Variants in MYO16 observed in about 807,000 individuals in gnomAD.
The protein encoded by MYO16 is unconventional myosin-XVI.
In MYO16, 94 loss-of-function variants were observed where a neutral mutation model predicts 205.3. The ratio of observed to expected loss-of-function variants is 0.46; its 90% CI spans 0.39 to 0.54. The LOEUF (loss-of-function observed/expected upper bound fraction) is 0.54. MYO16 is among the 20% of genes least tolerant of loss of function. The pLI is 0.00. For missense variants in MYO16, 2,315 were observed against 2,387.5 expected (o/e 0.97, Z 0.63); for synonymous variants, 988 against 954.0 (o/e 1.04, Z -0.66).
At chr13:109,202,478 T>C (rs980475145) in intron 34 of MYO16, among the ~76,000 whole-genome samples, 4 of 152,218 alleles carry the variant, frequency 2.6e-5, no homozygotes, top group Admixed American at 6.5e-5. Flanking sequence ...TTTTTTCATA[T>C]GTTTGTTGGG....
At chr13:109,130,532 T>C (rs1876484196) in intron 31 of MYO16, among the ~76,000 whole-genome samples, 1 of 152,268 alleles carries the variant, frequency 6.6e-6, no homozygotes, top group African/African-American at 2.4e-5. Context: ...TTAAGCTGCT[T>C]GAGCATGCTT....
At position 108,910,034 on chromosome 13, in the gene MYO16, C is replaced by A. The variant is rs981808475; in HGVS notation, c.1809C>A (p.Ser603=). The change falls in exon 16 of 35, where the codon TCC becomes TCA. Residue 603 remains serine, a synonymous_variant. Coordinates refer to ENST00000457511, the MANE Select transcript of MYO16 (RefSeq NM_001198950.3). ...ARIYTYLLEK[S]RLVSQPLGQS... is the part of the protein sequence containing the mutation. ...TTTATACATATTTGCTAGAGAAATC[C>A]AGACTTGTTTCACAACCTCTTGGCC... 1.2e-6 allele frequency: 2 copies of A among 1,613,252 alleles called. No homozygotes were observed. Among genetic ancestry groups the A allele is most frequent in the Non-Finnish European group, 1.7e-6 (2 of 1,179,638 alleles).
intron 1 of MYO16, among the ~76,000 whole-genome samples, chr13:108,618,729 A>G (rs140189395): frequency 0.012 from 1,853 of 152,280 alleles, 26 homozygotes; most frequent in African/African-American, 0.041. Flanking sequence ...GAATGAACCA[A>G]TGCTTCTGAG....
chr13:108,975,665 G>T (rs898170383), intron 20 of MYO16, among the ~76,000 whole-genome samples: 1 of 151,980 alleles, frequency 6.6e-6, no homozygotes, highest in African/African-American at 2.4e-5. Context: ...TTACATGAAG[G>T]CTTGCCATTA....
At chr13:109,003,598 C>T (rs1435880716) in intron 21 of MYO16, among the ~76,000 whole-genome samples, 6 of 152,174 alleles carry the variant, frequency 3.9e-5, no homozygotes, top group Admixed American at 1.3e-4. Context: ...AAGCTGAGAC[C>T]TGGCTTCTTC....
chr13:109,058,451 A>G (rs545104911), intron 27 of MYO16, among the ~76,000 whole-genome samples: 12 of 152,288 alleles, frequency 7.9e-5, no homozygotes, highest in African/African-American at 2.2e-4. Context: ...CTAATACCAT[A>G]ATAAAGCAAA....
chr13:109,042,220 C>T (rs1396608300), intron 23 of MYO16, among the ~76,000 whole-genome samples: 6 of 152,210 alleles, frequency 3.9e-5, no homozygotes, highest in Admixed American at 2.0e-4. Context: ...GAAAGTATCA[C>T]GGTTAAAAGA....
chr13:109,058,320 A>G (rs910382324), intron 27 of MYO16, among the ~76,000 whole-genome samples: 2 of 152,132 alleles, frequency 1.3e-5, no homozygotes, highest in African/African-American at 4.8e-5. Flanking sequence ...GGTTCACTCA[A>G]TCAAAATCTG....
intron 27 of MYO16, among the ~76,000 whole-genome samples, chr13:109,070,537 T>C (rs1887891971): frequency 6.6e-6 from 1 of 152,230 alleles, no homozygotes; most frequent in South Asian, 2.1e-4. Flanking sequence ...TTGGTTTAAC[T>C]ATGAGTAAAT....
At chr13:109,114,742 CCTT>C (rs1299282495) in intron 28 of MYO16, among the ~76,000 whole-genome samples, 1 of 152,154 alleles carries the variant, frequency 6.6e-6, no homozygotes, top group Non-Finnish European at 1.5e-5. Flanking sequence ...ATTGACGTGT[CCTT>C]CTTCTGTCAA....
At chr13:109,073,189 C>A (rs1887980567) in intron 27 of MYO16, among the ~76,000 whole-genome samples, 1 of 151,778 alleles carries the variant, frequency 6.6e-6, no homozygotes, top group South Asian at 2.1e-4. Context: ...GGAACCTCCT[C>A]CTCCTGGGTT....
Position 109,141,156 on chromosome 13 carries a change from C to G in MYO16, c.4944C>G (p.Ala1648=). The part of the protein sequence containing the change: ...VHPKPNSAPV[A]GPCSSFPKIP... ...CAAAGCCAAACTCTGCCCCCGTGGC[C>G]GGGCCCTGCAGCTCCTTCCCCAAGA... is the stretch of plus-strand genomic sequence containing the variant. Residue 1648 remains alanine, a synonymous_variant, in exon 32 of 35, where the codon GCC becomes GCG. Transcript: ENST00000457511. This position sits in a 1 kb window ranked among gnomAD's most constrained non-coding sequence, Gnocchi z 4.1. 6.2e-7 allele frequency: 1 copy of G among 1,604,824 alleles called. No homozygotes were observed. The highest frequency in any genetic ancestry group is 8.5e-7 in the Non-Finnish European group (1 of 1,175,700).
intron 10 of MYO16, among the ~76,000 whole-genome samples, chr13:108,853,424 A>G (rs1877993265): frequency 6.6e-6 from 1 of 152,166 alleles, no homozygotes; most frequent in South Asian, 2.1e-4. Flanking sequence ...TAAATAACTA[A>G]TTTTAGGAAA....
upstream of MYO16, among the ~76,000 whole-genome samples, chr13:108,625,272 A>C (rs1314127033): frequency 1.3e-5 from 2 of 152,158 alleles, no homozygotes; most frequent in Non-Finnish European, 2.9e-5. Flanking sequence ...TTTCACAGGC[A>C]GGCCAAAATC....
At chr13:109,047,230 T>C (rs551538563) in intron 24 of MYO16, among the ~76,000 whole-genome samples, 1 of 152,170 alleles carries the variant, frequency 6.6e-6, no homozygotes, top group Non-Finnish European at 1.5e-5. Flanking sequence ...GATAGAAATG[T>C]AAAATACCCT....
intron 23 of MYO16, among the ~76,000 whole-genome samples, chr13:109,025,839 G>A (rs1348767981): frequency 1.3e-5 from 2 of 152,166 alleles, no homozygotes. Context: ...TAGATTAGGA[G>A]ATAGTAAAAC....
In MYO16 at chr13:108,741,727, T is replaced by A. The variant is rs569835205; in HGVS notation, c.507+14144T>A. 3.3e-5 allele frequency among the ~76,000 whole-genome samples: 5 copies of A among 152,276 alleles called. No individual in the cohort carries two copies. In the South Asian group the frequency reaches 8.3e-4, roughly 25 times the overall value. On this transcript the variant is annotated intron_variant, in intron 4 of 34. Coordinates refer to ENST00000457511, the MANE Select transcript of MYO16 (RefSeq NM_001198950.3). Reference sequence around the variant, plus strand: ...GCATGAAGAATGAGAATCAACTGTATTTATTATTAAACAAAACTATTGACA... The same window carrying A: ...GCATGAAGAATGAGAATCAACTGTAATTATTATTAAACAAAACTATTGACA...
chr13:108,497,005 T>C, the MYO16 span, among the ~76,000 whole-genome samples: 1 of 152,222 alleles, frequency 6.6e-6, no homozygotes, highest in South Asian at 2.1e-4. Context: ...TGTGTTGGGA[T>C]GAAGGTTAAA....
intron 32 of MYO16, among the ~76,000 whole-genome samples, chr13:109,159,384 T>C (rs914973420): frequency 1.3e-5 from 2 of 152,252 alleles, no homozygotes; most frequent in Middle Eastern, 3.2e-3. Context: ...GCATAAAATT[T>C]TCATTTAGTA....
Sources: allele counts gnomAD v4.1 joint callset (sites outside exome capture counted in the v4.1 genomes callset), GRCh38; gene constraint gnomAD v4.1.1; non-coding constraint Gnocchi (gnomAD v3.1); transcripts MANE v1.5; gene names NCBI Gene and HGNC (gene_info 2026-07-23, HGNC 2026-07-21).